Variants in METTL17 observed in about 807,000 individuals in gnomAD.
METTL17 encodes the protein methyltransferase like 17.
METTL17 carries 49 observed loss-of-function variants against 59.4 expected under a neutral mutation model. That is an observed-to-expected ratio of 0.82 (90% CI 0.66 to 1.05). METTL17 has a LOEUF of 1.05. Among genes scored for constraint, METTL17 ranks in the 50% least tolerant of loss-of-function variants. METTL17 has a pLI of 0.00. For synonymous variants in METTL17, 208 were observed against 209.2 expected (o/e 0.99, Z 0.05); for missense variants, 555 against 578.4 (o/e 0.96, Z 0.41).
rs376081814 is a variant in METTL17, at chr14:20,994,655, C to T, written c.768+42C>T. On this transcript the variant is annotated intron_variant, in intron 8 of 13. Coordinates refer to ENST00000339374, the MANE Select transcript of METTL17 (RefSeq NM_022734.3). ...AGAATATTCTAAATGTGGAATGTGG[C>T]AGATGGAAAACTATGGCTTGAGCTT... The T allele has an allele frequency of 1.3e-4, 204 of 1,591,302 alleles. 1 individual carries two copies. Among genetic ancestry groups the T allele is most frequent in the Non-Finnish European group, 4.3e-5 (50 of 1,159,466 alleles).
intron 5 of METTL17, chr14:20,992,879 T>A (rs891849868): frequency 5.0e-6 from 3 of 595,294 alleles, no homozygotes; most frequent in African/African-American, 1.9e-5. Flanking sequence ...GAGTGAGACC[T>A]CATCTCTTAA....
chr14:20,996,575 G>A lies in METTL17; in HGVS notation c.1129G>A (p.Gly377Arg), dbSNP rs767539717. ...GTTCTCTATGGTGATCCTTGCTCGGGGGTCTCCAGAGGAGGCTCATCGCTG... is the reference window on the plus strand; with the variant it reads ...GTTCTCTATGGTGATCCTTGCTCGGAGGTCTCCAGAGGAGGCTCATCGCTG... Reference protein sequence around the residue: ...EKFSMVILARGSPEEAHRWPR... With the variant: ...EKFSMVILARRSPEEAHRWPR... Residue 377 changes from glycine (G) to arginine (R), a missense_variant, in exon 13 of 14, where the codon GGG (glycine) becomes AGG (arginine). Transcript: ENST00000339374. 4 of 1,614,168 alleles carry A rather than the reference G, an allele frequency of 2.5e-6. No homozygotes were observed. The highest frequency in any genetic ancestry group is 1.7e-5 in the Admixed American group (1 of 60,024).
rs1305247474 is a variant in METTL17 at position 20,994,016 on chromosome 14, T to C, written c.650T>C (p.Val217Ala). The C allele has an allele frequency of 1.9e-6, 3 of 1,613,806 alleles. No individual in the cohort carries two copies. The African/African-American group carries it at 4.0e-5, about 22-fold the overall frequency. The change falls in exon 7 of 14, where the codon GTG (valine) becomes GCG (alanine). Residue 217 changes from valine to alanine, a missense_variant. Coordinates refer to ENST00000339374, the MANE Select transcript of METTL17 (RefSeq NM_022734.3). Reference sequence around the variant, plus strand: ...CAGAGCCTACGTGAATATATGTGTGTGGACAGATCAGCTGCCATGTTGGTT... The same window carrying C: ...CAGAGCCTACGTGAATATATGTGTGCGGACAGATCAGCTGCCATGTTGGTT... ...WGQSLREYMC[V>A]DRSAAMLVLA...
chr14:20,990,490 C>G lies in METTL17; in HGVS notation c.256C>G (p.Gln86Glu), dbSNP rs145113570. 15,906 of 1,614,230 alleles carry G rather than the reference C, an allele frequency of 9.9e-3. 95 individuals are homozygous for G. Among genetic ancestry groups the G allele is most frequent in the Non-Finnish European group, 0.011 (13,091 of 1,180,040 alleles). Residue 86 changes from glutamine (Q) to glutamate (E), a missense_variant, in exon 3 of 14, where the codon CAG becomes GAG. Transcript: ENST00000339374. Reference protein sequence around the residue: ...LGSAGPTMENQVQTLTSYLWS... With the variant: ...LGSAGPTMENEVQTLTSYLWS... ...GAGCGCTGGGCCCACTATGGAGAAT[C>G]AGGTGCAAACACTGACCAGTTATCT... is the stretch of plus-strand genomic sequence containing the variant.
chr14:20,993,632 A>C (rs561438306), intron 6 of METTL17: 2 of 217,582 alleles, frequency 9.2e-6, no homozygotes, highest in Non-Finnish European at 1.8e-5. Flanking sequence ...ACGCCACCAC[A>C]CCCAGCTAAT....
At position 20,996,906 on chromosome 14, in the gene METTL17, A is replaced by G. The variant is rs1880420457; in HGVS notation, c.*16A>G. The G allele has an allele frequency of 6.3e-7, 1 of 1,593,918 alleles. No individual in the cohort carries two copies. The highest frequency in any genetic ancestry group is 1.7e-5 in the Admixed American group (1 of 59,730). On this transcript the variant is annotated 3_prime_UTR_variant, in exon 14 of 14. Coordinates refer to ENST00000339374, the MANE Select transcript of METTL17 (RefSeq NM_022734.3). ...TGAGAGTTGATGAGGATGTGTAACA[A>G]GTATTTTCTTCTATCGTGCCTGCCA... is the stretch of plus-strand genomic sequence containing the variant.
In METTL17 at chr14:20,990,331, G is replaced by A; in HGVS notation, c.177G>A (p.Pro59=). ...AGCACCCTGGCATCCTAAAGCTGCCGCACGTGCGGCTGCCACAGGCACTGG... is the reference window on the plus strand; with the variant it reads ...AGCACCCTGGCATCCTAAAGCTGCCACACGTGCGGCTGCCACAGGCACTGG... ...HRQHPGILKL[P]HVRLPQALAN... is the part of the protein sequence containing the mutation. The change falls in exon 2 of 14, where the codon CCG becomes CCA. Residue 59 remains proline, a synonymous_variant. Transcript: ENST00000339374. The A allele has an allele frequency of 6.2e-7, 1 of 1,614,234 alleles. No individual in the cohort carries two copies. Among genetic ancestry groups the A allele is most frequent in the Non-Finnish European group, 8.5e-7 (1 of 1,180,036 alleles).
chr14:20,990,403 C>G lies in METTL17; in HGVS notation c.229+20C>G. ...TACTTGGTGAGTAACGGCGGGAAAG[C>G]GAGAAGAAACGGGACTGGACCTACA... is the stretch of plus-strand genomic sequence containing the variant. On this transcript the variant is annotated intron_variant, in intron 2 of 13. Coordinates refer to ENST00000339374, the MANE Select transcript of METTL17 (RefSeq NM_022734.3). The G allele has an allele frequency of 6.2e-7, 1 of 1,613,182 alleles. No individual in the cohort carries two copies.
intron 4 of METTL17, 150 bp downstream of exon 4, chr14:20,992,355 C>A: frequency 1.4e-6 from 1 of 735,798 alleles, no homozygotes; most frequent in Non-Finnish European, 2.3e-6. Flanking sequence ...AGCTAAAGTA[C>A]AAAGTTTTGA....
At chr14:20,992,030 A>G in intron 3 of METTL17, 94 bp from the exon 4 acceptor site, 2 of 1,115,386 alleles carry the variant, frequency 1.8e-6, no homozygotes, top group Non-Finnish European at 2.7e-6. Context: ...TCTTAGGTGG[A>G]GTCGGGGAGG....
intron 5 of METTL17, 67 bp downstream of exon 5, chr14:20,992,689 C>T (rs2138735612): frequency 8.1e-7 from 1 of 1,239,424 alleles, no homozygotes; most frequent in Non-Finnish European, 1.2e-6. Flanking sequence ...AAGTAGTTTT[C>T]TAGGATGGGG....
chr14:20,994,715 A>T, intron 8 of METTL17, 79 bp from the exon 9 acceptor site: 3 of 1,534,682 alleles, frequency 2.0e-6, no homozygotes, highest in Non-Finnish European at 1.8e-6. Context: ...AGATAAAAGA[A>T]ATTTAGCGGC....
rs546554351 is a variant in METTL17, at chr14:20,990,014, A to G, written c.12A>G (p.Ala4=). Residue 4 remains alanine (A), a synonymous_variant, in exon 1 of 14, where the codon GCA becomes GCG. Transcript: ENST00000339374. MAA[A]LKCLLTLGRW... is the part of the protein sequence containing the mutation. ...TCGCCTCCGGAGCCATGGCGGCGGC[A>G]CTGAAGTGTCTACTGACATTAGGAA... 3 of 1,602,992 alleles carry G rather than the reference A, an allele frequency of 1.9e-6. No individual in the cohort carries two copies. The highest frequency in any genetic ancestry group is 1.1e-5 in the South Asian group (1 of 90,624).
intron 3 of METTL17, 79 bp from the exon 4 acceptor site, chr14:20,992,045 G>C (rs1035889200): frequency 7.8e-7 from 1 of 1,287,452 alleles, no homozygotes; most frequent in African/African-American, 1.5e-5. Context: ...GGGAGGACTG[G>C]GTGGGCAGTA....
chr14:20,994,560 G>T lies in METTL17; in HGVS notation c.715G>T (p.Glu239Ter). 6.2e-7 allele frequency: 1 copy of T among 1,614,170 alleles called. No homozygotes were observed. Among genetic ancestry groups the T allele is most frequent in the Non-Finnish European group, 8.5e-7 (1 of 1,180,018 alleles). The change falls in exon 8 of 14, where the codon GAG becomes TAG. Residue 239 changes from glutamate to a stop codon, truncating the protein, a stop_gained. Transcript: ENST00000339374. LOFTEE classifies it high-confidence loss of function. The part of the protein sequence containing the change: ...KLLKGGSESG[E>*]PYIPGVFFRQ... ...CTCCACAGGTGGTTCAGAATCTGGG[G>T]AGCCTTATATTCCAGGTGTCTTTTT...
chr14:20,994,117 T>C, intron 7 of METTL17, 54 bp downstream of exon 7: 1 of 1,298,202 alleles, frequency 7.7e-7, no homozygotes, highest in Non-Finnish European at 1.1e-6. Flanking sequence ...AAAGGGGTAC[T>C]AGTAAAAGTG....
chr14:20,994,033 A>G lies in METTL17; in HGVS notation c.667A>G (p.Met223Val). The G allele has an allele frequency of 1.9e-6, 3 of 1,613,948 alleles. No homozygotes were observed. The highest frequency in any genetic ancestry group is 2.5e-6 in the Non-Finnish European group (3 of 1,179,934). ...TATGTGTGTGGACAGATCAGCTGCCATGTTGGTTTTGGCAGAAAAACTACT... is the reference window on the plus strand; with the variant it reads ...TATGTGTGTGGACAGATCAGCTGCCGTGTTGGTTTTGGCAGAAAAACTACT... ...EYMCVDRSAA[M>V]LVLAEKLLKG... Residue 223 changes from methionine (M) to valine (V), a missense_variant, in exon 7 of 14, where the codon ATG becomes GTG. By Grantham distance (21) the Met-to-Val change is conservative. Transcript: ENST00000339374.
rs766714886 is a variant in METTL17, at chr14:20,995,971, G to C, written c.996+20G>C. On this transcript the variant is annotated intron_variant, in intron 11 of 13. Coordinates refer to ENST00000339374, the MANE Select transcript of METTL17 (RefSeq NM_022734.3). ...GCCCCGGTGAGTATTACTTCTGCCTGTCCCACCACACGGATCTGAACTTAG... is the reference window on the plus strand; with the variant it reads ...GCCCCGGTGAGTATTACTTCTGCCTCTCCCACCACACGGATCTGAACTTAG... The C allele has an allele frequency of 6.2e-7, 1 of 1,613,628 alleles. No individual in the cohort carries two copies. The highest frequency in any genetic ancestry group is 2.2e-5 in the East Asian group (1 of 44,876).
chr14:20,992,016 C>T, intron 3 of METTL17, 108 bp from the exon 4 acceptor site: 1 of 1,006,226 alleles, frequency 9.9e-7, no homozygotes. Flanking sequence ...AGCTTTAAGG[C>T]TTTTCTTAGG....
Sources: gnomAD v4.1 joint callset for allele counts on GRCh38, gnomAD v4.1.1 for gene constraint, MANE v1.5 for transcripts, NCBI Gene and HGNC (gene_info 2026-07-23, HGNC 2026-07-21) for gene names.